AJAP1: variants seen among roughly 807,000 people sequenced by gnomAD.
The protein encoded by AJAP1 is adherens junctions associated protein 1.
A neutral mutation model predicts 35.0 loss-of-function variants in AJAP1; 5 were observed. That is an observed-to-expected ratio of 0.14 (90% confidence interval 0.07 to 0.30). The LOEUF (loss-of-function observed/expected upper bound fraction) is 0.30. AJAP1 is among the 10% of genes least tolerant of loss of function. AJAP1 has a pLI of 1.00. For synonymous variants in AJAP1, 284 were observed against 249.3 expected (o/e 1.14, Z -1.31); for missense variants, 586 against 571.0 (o/e 1.03, Z -0.27).
At chr1:4,680,133 G>A (rs1196618551) in intron 1 of AJAP1, among the ~76,000 whole-genome samples, 1 of 152,158 alleles carries the variant, frequency 6.6e-6, no homozygotes, top group Non-Finnish European at 1.5e-5. Flanking sequence ...CTCTCTGTCA[G>A]TCTTCTATCC....
At chr1:4,712,744 G>T (rs1640293314) in intron 2 of AJAP1, 45 bp downstream of exon 2, 2 of 1,486,872 alleles carry the variant, frequency 1.3e-6, no homozygotes, top group African/African-American at 2.8e-5. Flanking sequence ...GGGGTTGAGG[G>T]CTGGGAGCGT....
chr1:4,756,090 T>A (rs1203002222), intron 2 of AJAP1, among the ~76,000 whole-genome samples: 1 of 152,106 alleles, frequency 6.6e-6, no homozygotes, highest in East Asian at 1.9e-4. Context: ...TAGGAGAAGG[T>A]GCAGGAGCCT....
At chr1:4,704,905 CA>C (rs933878498) in intron 1 of AJAP1, among the ~76,000 whole-genome samples, 24 of 152,292 alleles carry the variant, frequency 1.6e-4, no homozygotes, top group African/African-American at 2.4e-4. Context: ...CTCTGATGGC[CA>C]ATGATGGTGA....
chr1:4,701,051 G>A (rs527297194), intron 1 of AJAP1, among the ~76,000 whole-genome samples: 7 of 152,338 alleles, frequency 4.6e-5, no homozygotes, highest in Admixed American at 2.0e-4. Context: ...GAATGCTCGC[G>A]GGCACGTTGC....
At chr1:4,664,170 C>T (rs542878558) in intron 1 of AJAP1, among the ~76,000 whole-genome samples, 4 of 152,236 alleles carry the variant, frequency 2.6e-5, no homozygotes, top group East Asian at 3.9e-4. Flanking sequence ...TAGCAGAGCC[C>T]GCACTCAAAC....
At chr1:4,713,956 G>A (rs867918704) in intron 2 of AJAP1, among the ~76,000 whole-genome samples, 48 of 152,158 alleles carry the variant, frequency 3.2e-4, no homozygotes, top group African/African-American at 1.1e-3. Context: ...GGCCCTCTGC[G>A]TCCTCACTAG....
intron 1 of AJAP1, among the ~76,000 whole-genome samples, chr1:4,667,652 C>G (rs375230712): frequency 6.6e-6 from 1 of 152,174 alleles, no homozygotes; most frequent in South Asian, 2.1e-4. Flanking sequence ...GCTGGCTCAC[C>G]CACTGCTCAC....
chr1:4,761,158 T>G (rs1216061361), intron 2 of AJAP1, among the ~76,000 whole-genome samples: 1 of 152,198 alleles, frequency 6.6e-6, no homozygotes, highest in Admixed American at 6.5e-5. Flanking sequence ...CCAAGCTCTC[T>G]ACCCACCTCG....
chr1:4,700,590 G>T (rs1053515710), intron 1 of AJAP1, among the ~76,000 whole-genome samples: 1 of 152,198 alleles, frequency 6.6e-6, no homozygotes. Context: ...TGCCCCATTC[G>T]CGTCTTTTGC....
chr1:4,710,289 C>T (rs750470458), intron 1 of AJAP1, among the ~76,000 whole-genome samples: 1 of 152,142 alleles, frequency 6.6e-6, no homozygotes, highest in Non-Finnish European at 1.5e-5. Flanking sequence ...TACACTCTCA[C>T]ACACGCACCA....
At chr1:4,743,063 G>A (rs961068935) in intron 2 of AJAP1, among the ~76,000 whole-genome samples, 1 of 152,212 alleles carries the variant, frequency 6.6e-6, no homozygotes, top group Non-Finnish European at 1.5e-5. Context: ...CGGCTCCCTG[G>A]GGAATGACTT....
At chr1:4,689,999 G>A (rs1639702509) in intron 1 of AJAP1, among the ~76,000 whole-genome samples, 1 of 152,026 alleles carries the variant, frequency 6.6e-6, no homozygotes, top group Non-Finnish European at 1.5e-5. Context: ...CCCCGGTTGA[G>A]ACCCCCCCAG....
chr1:4,727,194 G>A (rs1000024199), intron 2 of AJAP1, among the ~76,000 whole-genome samples: 4 of 152,210 alleles, frequency 2.6e-5, no homozygotes, highest in South Asian at 2.1e-4. Context: ...GGAGACGAAC[G>A]CTGCATCTTT....
intron 1 of AJAP1, among the ~76,000 whole-genome samples, chr1:4,691,645 G>A (rs1023514732): frequency 6.6e-6 from 1 of 152,150 alleles, no homozygotes; most frequent in Non-Finnish European, 1.5e-5. Context: ...GCTTGCCATC[G>A]GATGGCAAAA....
At chr1:4,697,659 C>T (rs1028365345) in intron 1 of AJAP1, among the ~76,000 whole-genome samples, 3 of 152,212 alleles carry the variant, frequency 2.0e-5, no homozygotes, top group Non-Finnish European at 2.9e-5. Context: ...TGGGCAGGTG[C>T]GCCACCATCT....
chr1:4,769,912 C>G lies in AJAP1; in HGVS notation c.889C>G (p.Leu297Val), dbSNP rs1425654508. 4 of 1,613,942 alleles carry G rather than the reference C, an allele frequency of 2.5e-6. No homozygotes were observed. Among genetic ancestry groups the G allele is most frequent in the Non-Finnish European group, 3.4e-6 (4 of 1,179,944 alleles). The change falls in exon 3 of 6, where the codon CTC (leucine) becomes GTC (valine). Residue 297 changes from leucine (L) to valine (V), a missense_variant. Transcript: ENST00000378191. Reference sequence around the variant, plus strand: ...CTCCCTCATCATGGTCATAGCTGCTCTCATCACAACTCTTGTCTTAAAAAA... The same window carrying G: ...CTCCCTCATCATGGTCATAGCTGCTGTCATCACAACTCTTGTCTTAAAAAA... ...TVSLIMVIAA[L>V]ITTLVLKNCC...
At chr1:4,717,079 A>C (rs975334089) in intron 2 of AJAP1, among the ~76,000 whole-genome samples, 2 of 152,214 alleles carry the variant, frequency 1.3e-5, no homozygotes, top group African/African-American at 4.8e-5. Flanking sequence ...CCAGCCTTCT[A>C]TGACAGCTCT....
chr1:4,758,358 C>T (rs368199770), intron 2 of AJAP1, among the ~76,000 whole-genome samples: 16 of 152,022 alleles, frequency 1.1e-4, no homozygotes, highest in African/African-American at 3.9e-4. Context: ...AAGAAATACC[C>T]GAGACTGGGT....
chr1:4,695,458 C>G (rs892207734), intron 1 of AJAP1, among the ~76,000 whole-genome samples: 1 of 152,192 alleles, frequency 6.6e-6, no homozygotes, highest in Non-Finnish European at 1.5e-5. Context: ...TGAGTGTTCC[C>G]TGCAAACACA....
Sources: gnomAD v4.1 joint callset for allele counts (sites outside exome capture counted in the v4.1 genomes callset) on GRCh38, gnomAD v4.1.1 for gene constraint, MANE v1.5 for transcripts, NCBI Gene and HGNC (gene_info 2026-07-23, HGNC 2026-07-21) for gene names.